Variants in RUSC2 observed in about 807,000 individuals in gnomAD.
RUSC2 encodes the protein AP-4 complex accessory subunit RUSC2.
A neutral mutation model predicts 122.2 loss-of-function variants in RUSC2; 34 were observed. The observed-to-expected ratio is 0.28, with a 90% CI of 0.21 to 0.37. RUSC2 has a LOEUF of 0.37. Ranked by LOEUF, RUSC2 falls within the 10% of genes least tolerant of loss-of-function variation. The probability of loss-of-function intolerance (pLI) is 1.00; values close to 1 mark genes in which losing one functional copy is unlikely to be tolerated. For missense variants in RUSC2, 1,747 were observed against 1,952.4 expected (o/e 0.89, Z 1.98); for synonymous variants, 784 against 790.0 (o/e 0.99, Z 0.13).
chr9:35,518,301 C>G (rs140974265), intron 1 of RUSC2, among the ~76,000 whole-genome samples: 3 of 152,188 alleles, frequency 2.0e-5, no homozygotes, highest in Non-Finnish European at 2.9e-5. Context: ...AGTCACTGTT[C>G]CTGTGTGCTT....
chr9:35,541,503 G>A (rs1821641768), intron 1 of RUSC2, among the ~76,000 whole-genome samples: 1 of 151,790 alleles, frequency 6.6e-6, no homozygotes, highest in African/African-American at 2.4e-5. Context: ...CTGGAGTGCA[G>A]TGGCACGATC....
intron 1 of RUSC2, among the ~76,000 whole-genome samples, chr9:35,527,378 T>G (rs973103453): frequency 5.3e-5 from 8 of 152,074 alleles, no homozygotes; most frequent in African/African-American, 1.9e-4. Flanking sequence ...GTGCCCAGGC[T>G]CTTACCAAAT....
Position 35,558,346 on chromosome 9 carries a change from T to A in RUSC2, c.3210T>A (p.Ser1070Arg). 6.2e-7 allele frequency: 1 copy of A among 1,613,734 alleles called. No individual in the cohort carries two copies. The highest frequency in any genetic ancestry group is 8.5e-7 in the Non-Finnish European group (1 of 1,179,900). Residue 1070 changes from serine (S) to arginine (R), a missense_variant, in exon 7 of 12, where the codon AGT becomes AGA. Ser to Arg is a moderately radical substitution (Grantham distance 110). Coordinates refer to ENST00000361226, the MANE Select transcript of RUSC2 (RefSeq NM_014806.5). The surrounding 1 kb of genome is among the most constrained non-coding windows in gnomAD (Gnocchi z 4.3). ...IIGQRKNMPW[S>R]VVEASTQLGP... ...GGCAGCGTAAGAACATGCCATGGAGTGTGGTTGAGGCTTCCACACAGCTAG... is the reference window on the plus strand; with the variant it reads ...GGCAGCGTAAGAACATGCCATGGAGAGTGGTTGAGGCTTCCACACAGCTAG...
chr9:35,500,378 G>A (rs1820799290), intron 1 of RUSC2, among the ~76,000 whole-genome samples: 1 of 152,114 alleles, frequency 6.6e-6, no homozygotes, highest in Admixed American at 6.5e-5. Flanking sequence ...CTGCCCCCAT[G>A]ATTCAATTAC....
intron 1 of RUSC2, among the ~76,000 whole-genome samples, chr9:35,544,978 C>A (rs949445952): frequency 6.6e-6 from 1 of 152,112 alleles, no homozygotes; most frequent in Admixed American, 6.5e-5. Context: ...AACAGAGGAG[C>A]CTGCCTTCCT....
intron 1 of RUSC2, among the ~76,000 whole-genome samples, chr9:35,494,616 A>G (rs1820638356): frequency 6.6e-6 from 1 of 151,992 alleles, no homozygotes; most frequent in Non-Finnish European, 1.5e-5. Flanking sequence ...TGCCTATTCA[A>G]GTCCTTTGCC....
chr9:35,555,820 C>A lies in RUSC2; in HGVS notation c.2656+119C>A. ...GGCCAGAGGTTAGGATGTCTGCATC[C>A]CTCCCTCAGCATCTGTAGATAATAT... On this transcript the variant is annotated intron_variant, in intron 3 of 11. Transcript: ENST00000361226. The surrounding 1 kb of genome is among the most constrained non-coding windows in gnomAD (Gnocchi z 4.6). 6.9e-7 allele frequency: 1 copy of A among 1,458,618 alleles called. No individual in the cohort carries two copies. Among genetic ancestry groups the A allele is most frequent in the Non-Finnish European group, 9.2e-7 (1 of 1,082,648 alleles). The allele number at this position is 1,458,618 out of a possible 1,614,324, so 90.4% of individuals were successfully genotyped here.
chr9:35,549,913 TA>T (rs56039345), intron 2 of RUSC2, among the ~76,000 whole-genome samples: 1 of 150,996 alleles, frequency 6.6e-6, no homozygotes, highest in African/African-American at 2.4e-5. Flanking sequence ...AGGCCTTGTT[TA>T]AAAAAAAAGT....
At chr9:35,492,362 G>A (rs1433443423) in intron 1 of RUSC2, among the ~76,000 whole-genome samples, 1 of 151,898 alleles carries the variant, frequency 6.6e-6, no homozygotes, top group Non-Finnish European at 1.5e-5. Flanking sequence ...CAATGACTAT[G>A]CACCCTGCTA....
intron 11 of RUSC2, 38 bp from the exon 12 acceptor site, chr9:35,561,143 G>A (rs1189747780): frequency 6.2e-7 from 1 of 1,613,338 alleles, no homozygotes; most frequent in East Asian, 2.2e-5. Flanking sequence ...GGGGGCTTTT[G>A]AGGGGGTTTC....
At position 35,557,930 on chromosome 9, in the gene RUSC2, T is replaced by C. The variant is rs752495020; in HGVS notation, c.3000T>C (p.Val1000=). 17 of 1,614,038 alleles carry C rather than the reference T, an allele frequency of 1.1e-5. No homozygotes were observed. Among genetic ancestry groups the C allele is most frequent in the African/African-American group, 1.3e-5 (1 of 74,924 alleles). The change falls in exon 6 of 12, where the codon GTT becomes GTC. Residue 1000 remains valine, a synonymous_variant. Transcript: ENST00000361226. This position sits in a 1 kb window ranked among gnomAD's most constrained non-coding sequence, Gnocchi z 4.6. ...TCCCTGCAGGGCTGGTAAAAGCTGT[T>C]AACATCGCTGTGGACCTCATTGTGG... ...LLQKKGLVKA[V]NIAVDLIVAH... is the part of the protein sequence containing the mutation.
intron 1 of RUSC2, among the ~76,000 whole-genome samples, chr9:35,495,492 T>C (rs1336601310): frequency 6.6e-6 from 1 of 151,688 alleles, no homozygotes; most frequent in Non-Finnish European, 1.5e-5. Flanking sequence ...TGTGAGGGTT[T>C]ATTTCTGGGC....
chr9:35,532,282 T>C (rs1376686007), intron 1 of RUSC2, among the ~76,000 whole-genome samples: 2 of 152,236 alleles, frequency 1.3e-5, no homozygotes, highest in African/African-American at 4.8e-5. Context: ...ATGTAAGATT[T>C]GGAAATCAAC....
intron 1 of RUSC2, among the ~76,000 whole-genome samples, chr9:35,530,278 A>G (rs1260470110): frequency 6.6e-6 from 1 of 151,972 alleles, no homozygotes; most frequent in African/African-American, 2.4e-5. Context: ...ATCAAACATC[A>G]TTGGTCCTCC....
At chr9:35,513,903 C>CATCATATATATAT (rs1821054929) in intron 1 of RUSC2, among the ~76,000 whole-genome samples, 1 of 104,236 alleles carries the variant, frequency 9.6e-6, no homozygotes. Flanking sequence ...CTTCAACAAA[C>CATCATATATATAT]ATATATATAT....
chr9:35,508,410 G>C (rs2132502704), intron 1 of RUSC2, among the ~76,000 whole-genome samples: 1 of 152,288 alleles, frequency 6.6e-6, no homozygotes, highest in African/African-American at 2.4e-5. Context: ...TAATGTTTGA[G>C]ATGACTACTG....
Position 35,550,197 on chromosome 9 carries a change from C to T in RUSC2, c.2014+1662C>T, listed in dbSNP as rs1457994933. On this transcript the variant is annotated intron_variant, in intron 2 of 11. Coordinates refer to ENST00000361226, the MANE Select transcript of RUSC2 (RefSeq NM_014806.5). ...TGCACTCCAGCCTGGGCAACAAGAGCGAAACTCCACCTCAAAAAAAAAAAA... is the reference window on the plus strand; with the variant it reads ...TGCACTCCAGCCTGGGCAACAAGAGTGAAACTCCACCTCAAAAAAAAAAAA... Among the ~76,000 whole-genome samples the T allele has an allele frequency of 6.9e-5, 10 of 144,420 alleles. 1 individual carries two copies. The highest frequency in any genetic ancestry group is 2.1e-4 in the Admixed American group (3 of 14,428). The allele number at this position is 144,420 out of a possible 152,430, so 94.7% of individuals were successfully genotyped here.
chr9:35,540,775 AAGGACTTT>A (rs754953199), intron 1 of RUSC2, among the ~76,000 whole-genome samples: 4 of 152,330 alleles, frequency 2.6e-5, no homozygotes, highest in Non-Finnish European at 4.4e-5. Flanking sequence ...GAGTAATTGC[AAGGACTTT>A]AGGAAGAGGG....
At chr9:35,534,149 A>T (rs765144241) in intron 1 of RUSC2, among the ~76,000 whole-genome samples, 2 of 152,082 alleles carry the variant, frequency 1.3e-5, no homozygotes, top group African/African-American at 2.4e-5. Context: ...TATTTTAGCC[A>T]TTCTAGTGGG....
Sources: allele counts gnomAD v4.1 joint callset (sites outside exome capture counted in the v4.1 genomes callset), GRCh38; gene constraint gnomAD v4.1.1; non-coding constraint Gnocchi (gnomAD v3.1); transcripts MANE v1.5; gene names NCBI Gene and HGNC (gene_info 2026-07-23, HGNC 2026-07-21).